ANKFY1: variants seen among roughly 807,000 people sequenced by gnomAD.
ANKFY1 encodes the protein ankyrin repeat and FYVE domain-containing protein 1.
A neutral mutation model predicts 128.3 loss-of-function variants in ANKFY1; 47 were observed. That is an observed-to-expected ratio of 0.37 (90% CI 0.29 to 0.47). The LOEUF is 0.47. Ranked by LOEUF, ANKFY1 falls within the 20% of genes least tolerant of loss-of-function variation. The pLI is 1.00. For synonymous variants in ANKFY1, 553 were observed against 601.6 expected (o/e 0.92, Z 1.18); for missense variants, 1,222 against 1,510.6 (o/e 0.81, Z 3.17).
chr17:4,194,736 C>T (rs1009124088), intron 10 of ANKFY1: 2 of 507,806 alleles, frequency 3.9e-6, no homozygotes, highest in Non-Finnish European at 7.1e-6. Flanking sequence ...AAAGAGTCTG[C>T]GAGTCGCCGC....
At chr17:4,234,810 TAA>T (rs1043317327) in intron 3 of ANKFY1, among the ~76,000 whole-genome samples, 1 of 152,152 alleles carries the variant, frequency 6.6e-6, no homozygotes, top group Admixed American at 6.5e-5. Context: ...TACCCGGCCT[TAA>T]AATTCTTTTT....
chr17:4,209,809 C>T lies in ANKFY1; in HGVS notation c.582+15G>A, dbSNP rs1341559521. On this transcript the variant is annotated intron_variant, in intron 5 of 24. Transcript: ENST00000341657. Reference sequence around the variant, plus strand: ...CCAGCTAGAGTGCTTTGTTGACACCCTCAACCTCACTCACCCAATGACTTG... The same window carrying T: ...CCAGCTAGAGTGCTTTGTTGACACCTTCAACCTCACTCACCCAATGACTTG... 6.2e-7 allele frequency: 1 copy of T among 1,607,206 alleles called. No homozygotes were observed. The highest frequency in any genetic ancestry group is 1.7e-5 in the Admixed American group (1 of 59,852).
intron 3 of ANKFY1, among the ~76,000 whole-genome samples, chr17:4,227,255 T>TA (rs1291390041): frequency 2.0e-5 from 3 of 151,880 alleles, no homozygotes; most frequent in African/African-American, 4.8e-5. Flanking sequence ...ATAGAGACAT[T>TA]AAAAAAAATT....
intron 1 of ANKFY1, chr17:4,249,142 G>C: frequency 1.0e-6 from 1 of 985,020 alleles, no homozygotes; most frequent in Non-Finnish European, 1.2e-6. Context: ...ATGATTTTTA[G>C]AACACTCTTC....
At chr17:4,216,452 G>A (rs956992690) in intron 4 of ANKFY1, 5 of 164,604 alleles carry the variant, frequency 3.0e-5, no homozygotes, top group African/African-American at 1.2e-4. Context: ...GAGAGCAACA[G>A]AGAAAATGTA....
At chr17:4,173,214 A>G in intron 21 of ANKFY1, 140 bp downstream of exon 21, 1 of 708,320 alleles carries the variant, frequency 1.4e-6, no homozygotes, top group African/African-American at 1.8e-5. Context: ...AAGTACCAAA[A>G]TAAAGTACCC....
chr17:4,247,925 C>T (rs1040840080), intron 1 of ANKFY1, among the ~76,000 whole-genome samples: 1 of 152,142 alleles, frequency 6.6e-6, no homozygotes, highest in Non-Finnish European at 1.5e-5. Flanking sequence ...AATATATTAG[C>T]TATTATTACA....
Position 4,165,195 on chromosome 17 carries a change from G to C in ANKFY1, c.*2584C>G, listed in dbSNP as rs2059190313. On this transcript the variant is annotated 3_prime_UTR_variant, in exon 25 of 25. Transcript: ENST00000341657. ...TGTTTTAAAAACAACGACAACAAAA[G>C]ACTGTTAGGAATACACTGGATAATA... 6.6e-6 allele frequency: 1 copy of C among 152,184 alleles called. No individual in the cohort carries two copies. The highest frequency in any genetic ancestry group is 1.5e-5 in the Non-Finnish European group (1 of 68,026). The allele number at this position is 152,184 out of a possible 1,614,324, so 9.4% of individuals were successfully genotyped here. A position where few individuals can be genotyped will look rare whatever the true frequency, so the allele number is the denominator to read the frequency against.
intron 3 of ANKFY1, among the ~76,000 whole-genome samples, chr17:4,225,574 C>G (rs1359605163): frequency 6.6e-6 from 1 of 151,956 alleles, no homozygotes; most frequent in Non-Finnish European, 1.5e-5. Flanking sequence ...GTGGAACAAC[C>G]CATCCCATTT....
Position 4,206,425 on chromosome 17 carries a change from G to A in ANKFY1, c.794C>T (p.Ser265Leu). ...GGTGGCAATACTCTCCAGTCGTCGT[G>A]AGAGGGCTAGATCTAATGCCAGATC... is the stretch of plus-strand genomic sequence containing the variant. ...NGDLALDLAL[S>L]RRLESIATTL... Residue 265 changes from serine (S) to leucine (L), a missense_variant, in exon 7 of 25, where the codon TCA becomes TTA. Ser to Leu is a moderately radical substitution (Grantham distance 145). Coordinates refer to ENST00000341657, the MANE Select transcript of ANKFY1 (RefSeq NM_001330063.2). 6.2e-7 allele frequency: 1 copy of A among 1,614,184 alleles called. No individual in the cohort carries two copies.
At chr17:4,263,258 G>A (rs1487462957) in intron 1 of ANKFY1, among the ~76,000 whole-genome samples, 2 of 152,234 alleles carry the variant, frequency 1.3e-5, no homozygotes, top group African/African-American at 2.4e-5. Context: ...CGAGACCAGA[G>A]GGTAGGCACT....
Position 4,216,188 on chromosome 17 carries a change from T to C in ANKFY1, c.458+795A>G, listed in dbSNP as rs140656352. Among the ~76,000 whole-genome samples, 132 of 152,210 alleles carry C rather than the reference T, an allele frequency of 8.7e-4. 1 individual carries two copies. The highest frequency in any genetic ancestry group is 3.0e-3 in the African/African-American group (124 of 41,516). ...CAGCAAGCAGCTCTAGGCAGCAAAG[T>C]CTCTCTAGGGAAAACACAGCAATAG... is the stretch of plus-strand genomic sequence containing the variant. On this transcript the variant is annotated intron_variant, in intron 4 of 24. Coordinates refer to ENST00000341657, the MANE Select transcript of ANKFY1 (RefSeq NM_001330063.2).
At chr17:4,168,967 C>T (rs931392592) in intron 24 of ANKFY1, 2 of 515,944 alleles carry the variant, frequency 3.9e-6, no homozygotes, top group South Asian at 2.5e-5. Flanking sequence ...GGAAACTGTG[C>T]ACCTTCAGCC....
chr17:4,182,344 T>C lies in ANKFY1; in HGVS notation c.1958A>G (p.Gln653Arg), dbSNP rs2059531366. The change falls in exon 15 of 25, where the codon CAG becomes CGG. Residue 653 changes from glutamine to arginine, a missense_variant. Gln to Arg is a conservative substitution (Grantham distance 43, BLOSUM62 1). Transcript: ENST00000341657. Reference protein sequence around the residue: ...EHQADINVRTQDGETALQLAI... With the variant: ...EHQADINVRTRDGETALQLAI... ...CAGCTGGAGGGCTGTCTCCCCGTCC[T>C]GAGTCCTGCTAGGACATGCACACCC... The C allele has an allele frequency of 6.4e-7, 1 of 1,570,422 alleles. No individual in the cohort carries two copies. The highest frequency in any genetic ancestry group is 8.7e-7 in the Non-Finnish European group (1 of 1,154,774).
At chr17:4,193,785 A>G (rs2059762117) in intron 10 of ANKFY1, among the ~76,000 whole-genome samples, 1 of 147,378 alleles carries the variant, frequency 6.8e-6, no homozygotes, top group Non-Finnish European at 1.5e-5. Flanking sequence ...TTTGAGATGG[A>G]GTCTTGCTCT....
At chr17:4,220,120 C>T (rs538447620) in intron 3 of ANKFY1, among the ~76,000 whole-genome samples, 2 of 152,248 alleles carry the variant, frequency 1.3e-5, no homozygotes, top group Admixed American at 6.5e-5. Flanking sequence ...CCACCCTGCC[C>T]GGCCAGTAGT....
At chr17:4,233,359 C>G (rs2060546751) in intron 3 of ANKFY1, among the ~76,000 whole-genome samples, 1 of 151,324 alleles carries the variant, frequency 6.6e-6, no homozygotes, top group African/African-American at 2.4e-5. Flanking sequence ...TTTCAAAACA[C>G]TATGCTTTAA....
intron 11 of ANKFY1, chr17:4,187,750 C>G (rs2059637787): frequency 6.6e-6 from 1 of 152,484 alleles, no homozygotes; most frequent in Non-Finnish European, 1.5e-5. Flanking sequence ...TCACTGCAAC[C>G]TCTGCCTCCC....
intron 4 of ANKFY1, among the ~76,000 whole-genome samples, chr17:4,210,278 G>A: frequency 6.6e-6 from 1 of 152,156 alleles, no homozygotes; most frequent in Non-Finnish European, 1.5e-5. Context: ...AGCACAAAAT[G>A]GATCAACCTC....
Sources: gnomAD v4.1 joint callset for allele counts (sites outside exome capture counted in the v4.1 genomes callset) on GRCh38, gnomAD v4.1.1 for gene constraint, MANE v1.5 for transcripts, NCBI Gene and HGNC (gene_info 2026-07-23, HGNC 2026-07-21) for gene names.